NPL: variants seen among roughly 807,000 people sequenced by gnomAD.
NPL encodes the protein N-acetylneuraminate lyase.
In NPL, 32 loss-of-function variants were observed where a neutral mutation model predicts 41.1. The ratio of observed to expected loss-of-function variants is 0.78; its 90% CI spans 0.59 to 1.05. The LOEUF (loss-of-function observed/expected upper bound fraction) is 1.05. Among genes scored for constraint, NPL ranks in the 50% least tolerant of loss-of-function variants. NPL has a pLI of 0.00. For missense variants in NPL, 321 were observed against 378.4 expected (o/e 0.85, Z 1.26); for synonymous variants, 128 against 134.9 (o/e 0.95, Z 0.35).
At position 182,829,497 on chromosome 1, in the gene NPL, G is replaced by C; in HGVS notation, c.*589G>C. 6.7e-7 allele frequency: 1 copy of C among 1,497,070 alleles called. No individual in the cohort carries two copies. The highest frequency in any genetic ancestry group is 8.9e-7 in the Non-Finnish European group (1 of 1,120,370). 92.7% of individuals were successfully genotyped at this position (1,497,070 alleles called of 1,614,324 possible). A position where few individuals can be genotyped will look rare whatever the true frequency, so the allele number is the denominator to read the frequency against. On this transcript the variant is annotated 3_prime_UTR_variant, in exon 13 of 13. Coordinates refer to ENST00000367553, the MANE Select transcript of NPL (RefSeq NM_030769.3). ...GCTCTTTAAAAACACTGGGTCAGGT[G>C]AGGACTTGTTTCAGTTCCTATAACT...
intron 10 of NPL, among the ~76,000 whole-genome samples, chr1:182,819,726 T>C (rs1275656607): frequency 6.6e-6 from 1 of 152,240 alleles, no homozygotes; most frequent in Non-Finnish European, 1.5e-5. Flanking sequence ...GCCTACACCT[T>C]AGCAGGAGCT....
intron 11 of NPL, among the ~76,000 whole-genome samples, chr1:182,824,779 A>T (rs894307694): frequency 1.3e-5 from 2 of 152,226 alleles, no homozygotes; most frequent in Non-Finnish European, 1.5e-5. Flanking sequence ...CCTGGGTGAC[A>T]GAGCGAGACT....
intron 11 of NPL, among the ~76,000 whole-genome samples, chr1:182,825,518 T>A (rs1667608709): frequency 6.6e-6 from 1 of 152,194 alleles, no homozygotes; most frequent in Non-Finnish European, 1.5e-5. Flanking sequence ...GTGATTCCCA[T>A]CTTTACTCTC....
intron 6 of NPL, among the ~76,000 whole-genome samples, chr1:182,812,833 A>G (rs1667213793): frequency 6.6e-6 from 1 of 152,056 alleles, no homozygotes; most frequent in Admixed American, 6.6e-5. Flanking sequence ...GGAAGGGGTT[A>G]AAGTTCCTGG....
intron 8 of NPL, among the ~76,000 whole-genome samples, chr1:182,817,281 T>C (rs912803713): frequency 6.6e-6 from 1 of 152,234 alleles, no homozygotes; most frequent in Non-Finnish European, 1.5e-5. Context: ...TCTTAGATTA[T>C]TTTTAAAATC....
chr1:182,814,033 G>T (rs528050515), intron 6 of NPL, among the ~76,000 whole-genome samples: 1 of 152,192 alleles, frequency 6.6e-6, no homozygotes, highest in African/African-American at 2.4e-5. Flanking sequence ...CAGAAGGAAG[G>T]CCCTTTTCCC....
At chr1:182,814,314 A>C (rs1667263586) in intron 6 of NPL, among the ~76,000 whole-genome samples, 1 of 152,232 alleles carries the variant, frequency 6.6e-6, no homozygotes, top group Admixed American at 6.5e-5. Flanking sequence ...AAAATATCAG[A>C]AACATGGTGC....
intron 1 of NPL, chr1:182,791,103 T>C (rs966084864): frequency 1.3e-5 from 2 of 152,216 alleles, no homozygotes; most frequent in Admixed American, 6.5e-5. Context: ...CCCTGCTTAA[T>C]AACTCTGATG....
intron 4 of NPL, 117 bp from the exon 5 acceptor site, chr1:182,806,028 C>T (rs1277070716): frequency 8.5e-7 from 1 of 1,174,288 alleles, no homozygotes; most frequent in Admixed American, 1.9e-5. Flanking sequence ...GGAAACATGG[C>T]ATTTTCCCCT....
intron 8 of NPL, among the ~76,000 whole-genome samples, chr1:182,817,366 C>G (rs1667362746): frequency 6.6e-6 from 1 of 152,158 alleles, no homozygotes; most frequent in Admixed American, 6.5e-5. Flanking sequence ...AAAAACGAAA[C>G]AAAACTGCTT....
At chr1:182,811,783 T>C (rs1354488454) in intron 5 of NPL, among the ~76,000 whole-genome samples, 1 of 152,184 alleles carries the variant, frequency 6.6e-6, no homozygotes, top group Non-Finnish European at 1.5e-5. Context: ...CACCTTCCCA[T>C]TGGCTCTAAA....
In NPL at chr1:182,794,330, G is replaced by A. The variant is rs765626894; in HGVS notation, c.-16-26G>A. On this transcript the variant is annotated intron_variant, in intron 2 of 12. Transcript: ENST00000367553. ...ATCATTGACATTCCTTGAAGAAAGA[G>A]AGAAATTACATTGTATGTTTTCCAG... The A allele has an allele frequency of 1.9e-6, 3 of 1,585,378 alleles. No individual in the cohort carries two copies. The East Asian group carries it at 6.7e-5, about 35-fold the overall frequency.
At chr1:182,827,217 A>C (rs917024892) in intron 12 of NPL, among the ~76,000 whole-genome samples, 1 of 152,218 alleles carries the variant, frequency 6.6e-6, no homozygotes, top group Non-Finnish European at 1.5e-5. Flanking sequence ...TAGTTCTTCT[A>C]TCTTGAATCT....
rs562934486 is a variant in NPL at position 182,792,989 on chromosome 1, T to C, written c.-17+703T>C. On this transcript the variant is annotated intron_variant, in intron 2 of 12. Transcript: ENST00000367553. ...AGATTTAAGTATAGTGGGCATTGCATTTTTGAATGTGCCAGTAATGTCAGA... is the reference window on the plus strand; with the variant it reads ...AGATTTAAGTATAGTGGGCATTGCACTTTTGAATGTGCCAGTAATGTCAGA... Among the ~76,000 whole-genome samples the C allele has an allele frequency of 6.6e-5, 10 of 152,384 alleles. No homozygotes were observed. The East Asian group carries it at 9.6e-4, about 15-fold the overall frequency.
At chr1:182,803,867 G>T (rs551754945) in intron 4 of NPL, 96 bp downstream of exon 4, 5 of 909,172 alleles carry the variant, frequency 5.5e-6, no homozygotes, top group Non-Finnish European at 9.2e-6. Flanking sequence ...CACAGTCATG[G>T]TGTCACAGGT....
rs372181419 is a variant in NPL, at chr1:182,790,943, A to G, written c.-72+1138A>G. Among the ~76,000 whole-genome samples, 5 of 152,126 alleles carry G rather than the reference A, an allele frequency of 3.3e-5. No homozygotes were observed. In the South Asian group the frequency reaches 6.2e-4, roughly 19 times the overall value. On this transcript the variant is annotated intron_variant, in intron 1 of 12. Coordinates refer to ENST00000367553, the MANE Select transcript of NPL (RefSeq NM_030769.3). Reference sequence around the variant, plus strand: ...CAGGCTTGAGCCACCGCGCCCGGCCAAAGTCGTTTTTATCCCATTTCTTCC... The same window carrying G: ...CAGGCTTGAGCCACCGCGCCCGGCCGAAGTCGTTTTTATCCCATTTCTTCC...
At chr1:182,797,085 C>G (rs1253707659) in intron 3 of NPL, among the ~76,000 whole-genome samples, 1 of 149,860 alleles carries the variant, frequency 6.7e-6, no homozygotes, top group Non-Finnish European at 1.5e-5. Flanking sequence ...AGTTCAACCA[C>G]ATTATCTCTA....
intron 2 of NPL, among the ~76,000 whole-genome samples, 172 bp downstream of exon 2, chr1:182,792,458 T>C (rs1045209501): frequency 3.3e-5 from 5 of 152,200 alleles, no homozygotes; most frequent in Non-Finnish European, 7.3e-5. Flanking sequence ...TCAATCTCCT[T>C]TGATACTTAA....
At chr1:182,811,381 C>T (rs1280426857) in intron 5 of NPL, among the ~76,000 whole-genome samples, 1 of 151,984 alleles carries the variant, frequency 6.6e-6, no homozygotes, top group Non-Finnish European at 1.5e-5. Flanking sequence ...GCACACACCA[C>T]CACACTTGGC....
Sources: gnomAD v4.1 joint callset for allele counts (sites outside exome capture counted in the v4.1 genomes callset) on GRCh38, gnomAD v4.1.1 for gene constraint, MANE v1.5 for transcripts, NCBI Gene and HGNC (gene_info 2026-07-23, HGNC 2026-07-21) for gene names.